Variants in ABCC1 observed in about 807,000 individuals in gnomAD.
ABCC1 encodes multidrug resistance-associated protein 1.
A neutral mutation model predicts 172.9 loss-of-function variants in ABCC1; 83 were observed. The observed-to-expected ratio is 0.48, with a 90% CI of 0.40 to 0.58. The LOEUF (loss-of-function observed/expected upper bound fraction) is 0.58, where lower values mean the gene tolerates loss of function less well. ABCC1 is among the 20% of genes least tolerant of loss of function. ABCC1 has a pLI of 0.00. For missense variants in ABCC1, 1,817 were observed against 2,002.7 expected (o/e 0.91, Z 1.77); for synonymous variants, 937 against 825.2 (o/e 1.14, Z -2.32).
chr16:16,016,526 A>G lies in ABCC1; in HGVS notation c.520A>G (p.Thr174Ala), dbSNP rs990887647. The G allele has an allele frequency of 3.7e-6, 6 of 1,613,784 alleles. No homozygotes were observed. The highest frequency in any genetic ancestry group is 5.1e-6 in the Non-Finnish European group (6 of 1,179,940). The stretch of plus-strand genomic sequence containing the variant: ...CCAGGTGGACCTGTTTCGTGACATC[A>G]CTTTCTACGTCTACTTTTCCCTCTT... ...DAQVDLFRDITFYVYFSLLLI... is the reference protein window; with the variant it reads ...DAQVDLFRDIAFYVYFSLLLI... Residue 174 changes from threonine to alanine, a missense_variant, in exon 5 of 31, where the codon ACT becomes GCT. Coordinates refer to ENST00000399410, the MANE Select transcript of ABCC1 (RefSeq NM_004996.4).
At chr16:16,065,665 TC>T (rs2050084919) in intron 12 of ABCC1, among the ~76,000 whole-genome samples, 1 of 152,150 alleles carries the variant, frequency 6.6e-6, no homozygotes, top group African/African-American at 2.4e-5. Flanking sequence ...ACTCCTGACT[TC>T]AGGAGATCCA....
At chr16:16,021,869 A>T (rs534166686) in intron 5 of ABCC1, among the ~76,000 whole-genome samples, 2 of 152,198 alleles carry the variant, frequency 1.3e-5, no homozygotes, top group Admixed American at 1.3e-4. Context: ...TCCTTTGGGG[A>T]CGTCAGCAGC....
intron 1 of ABCC1, among the ~76,000 whole-genome samples, chr16:15,957,820 T>C (rs2046032165): frequency 6.6e-6 from 1 of 152,002 alleles, no homozygotes; most frequent in Non-Finnish European, 1.5e-5. Context: ...CCTCGATCTC[T>C]TGACCTCGTG....
intron 5 of ABCC1, among the ~76,000 whole-genome samples, chr16:16,029,734 G>C (rs931231994): frequency 2.0e-5 from 3 of 152,078 alleles, no homozygotes; most frequent in Admixed American, 6.6e-5. Context: ...GTAACTGTTG[G>C]GCTGCATGTG....
chr16:16,132,370 T>C (rs2045718289), intron 27 of ABCC1, among the ~76,000 whole-genome samples: 1 of 150,828 alleles, frequency 6.6e-6, no homozygotes, highest in Non-Finnish European at 1.5e-5. Flanking sequence ...ATGGGGGTCC[T>C]ACTATGTTGT....
At chr16:16,099,803 G>A (rs1032192835) in intron 19 of ABCC1, among the ~76,000 whole-genome samples, 2 of 152,178 alleles carry the variant, frequency 1.3e-5, no homozygotes, top group Non-Finnish European at 2.9e-5. Flanking sequence ...CCAACAGGGG[G>A]CCAGGCACAG....
intron 23 of ABCC1, among the ~76,000 whole-genome samples, chr16:16,120,007 G>A (rs2045080323): frequency 6.6e-6 from 1 of 152,148 alleles, no homozygotes; most frequent in Non-Finnish European, 1.5e-5. Flanking sequence ...CTGAGACTGC[G>A]TGGGGTTGTG....
intron 1 of ABCC1, among the ~76,000 whole-genome samples, chr16:15,991,126 G>A (rs1326826443): frequency 6.6e-6 from 1 of 152,108 alleles, no homozygotes; most frequent in East Asian, 1.9e-4. Flanking sequence ...CAGGGCCCAT[G>A]TGTGGCTGAG....
chr16:16,119,094 A>G (rs1290690039), intron 23 of ABCC1, among the ~76,000 whole-genome samples: 2 of 152,208 alleles, frequency 1.3e-5, no homozygotes, highest in African/African-American at 2.4e-5. Context: ...CAGAGATGTT[A>G]TAGTGATCAA....
intron 6 of ABCC1, among the ~76,000 whole-genome samples, chr16:16,034,661 C>T (rs962634153): frequency 1.4e-5 from 2 of 142,128 alleles, no homozygotes; most frequent in African/African-American, 5.4e-5. Context: ...GACCTCAGCT[C>T]TCTGCAACCT....
intron 7 of ABCC1, among the ~76,000 whole-genome samples, chr16:16,041,868 G>A (rs1017792320): frequency 6.6e-6 from 1 of 152,018 alleles, no homozygotes; most frequent in African/African-American, 2.4e-5. Flanking sequence ...AGGCTGAGGC[G>A]GGAGGCTCAC....
chr16:16,135,279 G>A lies in ABCC1; in HGVS notation c.4125+771G>A, dbSNP rs146619224. On this transcript the variant is annotated intron_variant, in intron 28 of 30. Transcript: ENST00000399410. ...TCTCATCACCCAACTATTGAACAGA[G>A]TACCCGAGAGAGAGTAGTTTCTCAA... 1.1e-3 allele frequency among the ~76,000 whole-genome samples: 161 copies of A among 152,198 alleles called. 1 individual carries two copies. The highest frequency in any genetic ancestry group is 8.9e-3 in the East Asian group (46 of 5,174).
intron 5 of ABCC1, among the ~76,000 whole-genome samples, chr16:16,025,797 G>C (rs185071047): frequency 1.3e-5 from 2 of 152,214 alleles, no homozygotes; most frequent in Admixed American, 6.5e-5. Flanking sequence ...CTGTTTGGAT[G>C]AATCAGGCTT....
intron 5 of ABCC1, among the ~76,000 whole-genome samples, chr16:16,021,085 A>G (rs1276998805): frequency 6.6e-6 from 1 of 152,174 alleles, no homozygotes; most frequent in East Asian, 1.9e-4. Flanking sequence ...AGCCAGGCAC[A>G]CGGTGGGCCT....
At chr16:16,074,606 A>C (rs1451101563) in intron 14 of ABCC1, among the ~76,000 whole-genome samples, 1 of 152,004 alleles carries the variant, frequency 6.6e-6, no homozygotes, top group East Asian at 1.9e-4. Context: ...GACTTCCTGG[A>C]ATGTTTAGCA....
At chr16:16,016,724 GCCTC>G (rs1469279822) in intron 5 of ABCC1, 103 bp downstream of exon 5, 1 of 1,506,892 alleles carries the variant, frequency 6.6e-7, no homozygotes, top group Non-Finnish European at 9.0e-7. Context: ...TCTCGTTCCA[GCCTC>G]CCTCAACCCC....
chr16:15,962,770 C>T (rs1201281461), intron 1 of ABCC1, among the ~76,000 whole-genome samples: 2 of 152,202 alleles, frequency 1.3e-5, no homozygotes, highest in South Asian at 2.1e-4. Flanking sequence ...GGTCCCTCCA[C>T]CAACACGTGG....
Position 16,070,887 on chromosome 16 carries a change from T to C in ABCC1, c.1825-755T>C, listed in dbSNP as rs577430654. ...TCAGCATGCATTTCTTCCTACATAA[T>C]GTAATACCATCATCATGTCTAAGCA... On this transcript the variant is annotated intron_variant, in intron 13 of 30. Coordinates refer to ENST00000399410, the MANE Select transcript of ABCC1 (RefSeq NM_004996.4). Among the ~76,000 whole-genome samples, 4 of 152,286 alleles carry C rather than the reference T, an allele frequency of 2.6e-5. No homozygotes were observed. In the South Asian group the frequency reaches 8.3e-4, roughly 32 times the overall value.
At chr16:16,056,876 T>C (rs557749417) in intron 12 of ABCC1, among the ~76,000 whole-genome samples, 2 of 152,278 alleles carry the variant, frequency 1.3e-5, no homozygotes, top group African/African-American at 4.8e-5. Flanking sequence ...TGCATTAAGA[T>C]AGCCTTGCAA....
Sources: allele counts gnomAD v4.1 joint callset (sites outside exome capture counted in the v4.1 genomes callset), GRCh38; gene constraint gnomAD v4.1.1; transcripts MANE v1.5; gene names NCBI Gene and HGNC (gene_info 2026-07-23, HGNC 2026-07-21).